The following FYCO1 variants were observed in gnomAD, a reference collection of about 807,000 sequenced individuals.
FYCO1 encodes the protein FYVE and coiled-coil domain autophagy adaptor 1.
FYCO1 carries 122 observed loss-of-function variants against 165.1 expected under a neutral mutation model. The observed-to-expected ratio is 0.74, with a 90% CI of 0.64 to 0.86. The LOEUF (loss-of-function observed/expected upper bound fraction) is 0.86, where lower values mean the gene tolerates loss of function less well. Ranked by LOEUF, FYCO1 falls within the 40% of genes least tolerant of loss-of-function variation. The probability of loss-of-function intolerance (pLI) is 0.00; values close to 1 mark genes in which losing one functional copy is unlikely to be tolerated. For synonymous variants in FYCO1, 648 were observed against 742.5 expected (o/e 0.87, Z 2.07); for missense variants, 1,702 against 1,810.3 (o/e 0.94, Z 1.09).
In FYCO1 at chr3:45,964,448, G is replaced by C. The variant is rs1220903524; in HGVS notation, c.3157C>G (p.Gln1053Glu). 3.1e-6 allele frequency: 5 copies of C among 1,613,864 alleles called. No homozygotes were observed. In the African/African-American group the frequency reaches 6.7e-5, roughly 22 times the overall value. The part of the protein sequence containing the change: ...EEAVEKLKAT[Q>E]ADMGEKLSCT... ...CTCAGCTTCTCTCCCATGTCTGCTT[G>C]GGTGGCCTGGCACAGGACGTCAGGG... is the stretch of plus-strand genomic sequence containing the variant. The change falls in exon 10 of 18, where the codon CAA becomes GAA. Residue 1053 changes from glutamine (Q) to glutamate (E), a missense_variant. Physicochemically the swap from Gln to Glu is conservative, Grantham distance 29. Coordinates refer to ENST00000296137, the MANE Select transcript of FYCO1 (RefSeq NM_024513.4). This position sits in a 1 kb window ranked among gnomAD's most constrained non-coding sequence, Gnocchi z 4.1.
intron 14 of FYCO1, among the ~76,000 whole-genome samples, chr3:45,954,784 G>C (rs997681757): frequency 6.6e-6 from 1 of 152,192 alleles, no homozygotes; most frequent in Non-Finnish European, 1.5e-5. Context: ...AGACACACCA[G>C]GGGCATGCAA....
intron 12 of FYCO1, among the ~76,000 whole-genome samples, chr3:45,959,153 G>A (rs1008965423): frequency 1.2e-4 from 18 of 152,178 alleles, no homozygotes; most frequent in Non-Finnish European, 2.6e-4. Flanking sequence ...TCCCTGCGGG[G>A]CCCCCTAACT....
chr3:45,989,102 T>C (rs1007683103), intron 1 of FYCO1, among the ~76,000 whole-genome samples: 24 of 152,084 alleles, frequency 1.6e-4, no homozygotes, highest in African/African-American at 5.8e-4. Flanking sequence ...GTTGGAGGCG[T>C]GGAAGTCAAC....
At position 45,981,566 on chromosome 3, in the gene FYCO1, T is replaced by C. The variant is rs778930237; in HGVS notation, c.162+4A>G. Reference sequence around the variant, plus strand: ...AAAATCAACACATTACAGGCATCACTTACTTGCAGGAGATACTCAAGTTTA... The same window carrying C: ...AAAATCAACACATTACAGGCATCACCTACTTGCAGGAGATACTCAAGTTTA... On this transcript the variant is annotated splice_donor_region_variant and intron_variant, in intron 3 of 17. Transcript: ENST00000296137. The C allele has an allele frequency of 2.6e-6, 4 of 1,565,660 alleles. No homozygotes were observed. Among genetic ancestry groups the C allele is most frequent in the Non-Finnish European group, 3.5e-6 (4 of 1,135,808 alleles).
chr3:45,938,740 C>T (rs1401266525), intron 14 of FYCO1, among the ~76,000 whole-genome samples: 1 of 152,232 alleles, frequency 6.6e-6, no homozygotes, highest in African/African-American at 2.4e-5. Flanking sequence ...GATTGGCCCA[C>T]CTCGGCCTCC....
At chr3:45,926,731 G>A (rs781289932) in intron 16 of FYCO1, among the ~76,000 whole-genome samples, 2 of 152,224 alleles carry the variant, frequency 1.3e-5, no homozygotes, top group African/African-American at 2.4e-5. Flanking sequence ...TCGGGAGGCC[G>A]AGGTGGGTGG....
chr3:45,972,181 C>T (rs1426006481), intron 6 of FYCO1, among the ~76,000 whole-genome samples: 11 of 152,030 alleles, frequency 7.2e-5, no homozygotes, highest in African/African-American at 1.7e-4. Flanking sequence ...CTGGGCCAGG[C>T]GTGGTGGCTC....
Position 45,969,759 on chromosome 3 carries a change from C to T in FYCO1, c.546G>A (p.Thr182=), listed in dbSNP as rs201372127. 1.3e-4 allele frequency: 213 copies of T among 1,613,528 alleles called. No homozygotes were observed. The highest frequency in any genetic ancestry group is 1.0e-4 in the Non-Finnish European group (118 of 1,179,822). ...DAAWPTFARR[T]LTTGSSAYLW... ...GGTAAGCAGAAGAGCCAGTGGTCAG[C>T]GTCCTCCTGTGGGGCCACAAAACAG... The change falls in exon 7 of 18, where the codon ACG becomes ACA. Residue 182 remains threonine, a synonymous_variant. Coordinates refer to ENST00000296137, the MANE Select transcript of FYCO1 (RefSeq NM_024513.4).
intron 2 of FYCO1, among the ~76,000 whole-genome samples, chr3:45,983,091 C>T (rs371076441): frequency 6.6e-6 from 1 of 152,224 alleles, no homozygotes; most frequent in African/African-American, 2.4e-5. Flanking sequence ...CTATTTGATT[C>T]TTTCAATAAT....
chr3:45,973,274 T>C lies in FYCO1; in HGVS notation c.396-43A>G, dbSNP rs139824203. 2,167 of 1,600,934 alleles carry C rather than the reference T, an allele frequency of 1.4e-3. 2 individuals are homozygous for C. Among genetic ancestry groups the C allele is most frequent in the Middle Eastern group, 2.3e-3 (14 of 6,014 alleles). ...AATTATAAGAGTAATAAAGATAAAG[T>C]ATGAATTTACTCAGTCCTCCCACTG... is the stretch of plus-strand genomic sequence containing the variant. On this transcript the variant is annotated intron_variant, in intron 5 of 17. Transcript: ENST00000296137.
At position 45,975,299 on chromosome 3, in the gene FYCO1, A is replaced by G; in HGVS notation, c.335T>C (p.Leu112Ser). The G allele has an allele frequency of 1.2e-6, 2 of 1,614,180 alleles. No individual in the cohort carries two copies. Among genetic ancestry groups the G allele is most frequent in the Non-Finnish European group, 1.7e-6 (2 of 1,180,010 alleles). ...GKGRAFIRYSLVHQRLADTLQ... is the reference protein window; with the variant it reads ...GKGRAFIRYSSVHQRLADTLQ... ...GGTGTCTGCCAACCTCTGGTGCACC[A>G]AGGAGTAGCGAATAAATGCTCTTCC... Residue 112 changes from leucine (L) to serine (S), a missense_variant, in exon 5 of 18, where the codon TTG (leucine) becomes TCG (serine). Transcript: ENST00000296137.
At position 45,918,459 on chromosome 3, in the gene FYCO1, A is replaced by G. The variant is rs917739742; in HGVS notation, c.*3306T>C. ...ATGGCCGTCTCGATGGTCTTTGTGT[A>G]CATGACCATCCTTGGTTCTAAGCAT... is the stretch of plus-strand genomic sequence containing the variant. On this transcript the variant is annotated 3_prime_UTR_variant, in exon 18 of 18. Transcript: ENST00000296137. 2 of 152,200 alleles carry G rather than the reference A, an allele frequency of 1.3e-5. No homozygotes were observed. Among genetic ancestry groups the G allele is most frequent in the African/African-American group, 4.8e-5 (2 of 41,444 alleles). 9.4% of individuals were successfully genotyped at this position (152,200 alleles called of 1,614,324 possible).
chr3:45,931,020 A>G (rs1703579473), intron 16 of FYCO1, 51 bp downstream of exon 16: 6 of 1,561,078 alleles, frequency 3.8e-6, no homozygotes, highest in Non-Finnish European at 5.3e-6. Context: ...GGCCTGCCCA[A>G]GTACCCAGAT....
At chr3:45,934,521 C>T (rs1179386163) in intron 15 of FYCO1, among the ~76,000 whole-genome samples, 1 of 152,230 alleles carries the variant, frequency 6.6e-6, no homozygotes, top group Non-Finnish European at 1.5e-5. Flanking sequence ...AAAGAACTTT[C>T]AATTCTATAT....
intron 16 of FYCO1, among the ~76,000 whole-genome samples, chr3:45,929,989 C>T (rs2125796032): frequency 6.6e-6 from 1 of 152,222 alleles, no homozygotes; most frequent in East Asian, 1.9e-4. Flanking sequence ...AGCCTCAAGC[C>T]CCTCGAGGGC....
chr3:45,936,477 T>G lies in FYCO1; in HGVS notation c.4011A>C (p.Glu1337Asp). ...GTTCTCCAGACTTCAGCAGGCAGATTTCCGAATCCTGCCCCACGGGCATGT... is the reference window on the plus strand; with the variant it reads ...GTTCTCCAGACTTCAGCAGGCAGATGTCCGAATCCTGCCCCACGGGCATGT... ...TEDMPVGQDS[E>D]ICLLKSGELM... The change falls in exon 15 of 18, where the codon GAA becomes GAC. Residue 1337 changes from glutamate to aspartate, a missense_variant. Physicochemically the swap from Glu to Asp is conservative, Grantham distance 45. Coordinates refer to ENST00000296137, the MANE Select transcript of FYCO1 (RefSeq NM_024513.4). 2 of 1,614,026 alleles carry G rather than the reference T, an allele frequency of 1.2e-6. No homozygotes were observed. Among genetic ancestry groups the G allele is most frequent in the Non-Finnish European group, 1.7e-6 (2 of 1,179,888 alleles).
In FYCO1 at chr3:45,967,301, T is replaced by C. The variant is rs948553343; in HGVS notation, c.2033A>G (p.Glu678Gly). ...CTTCCTTACAGCCAGCAAGCTCGCC[T>C]CCATCTGGTCACCCAAGTGCCGGAT... Reference protein sequence around the residue: ...ASIRHLGDQMEASLLAVRKAK... With the variant: ...ASIRHLGDQMGASLLAVRKAK... The change falls in exon 8 of 18, where the codon GAG becomes GGG. Residue 678 changes from glutamate (E) to glycine (G), a missense_variant. Coordinates refer to ENST00000296137, the MANE Select transcript of FYCO1 (RefSeq NM_024513.4). The C allele has an allele frequency of 5.0e-6, 8 of 1,613,682 alleles. No individual in the cohort carries two copies. The African/African-American group carries it at 1.1e-4, about 22-fold the overall frequency.
chr3:45,994,430 TAATC>T (rs1707700385), intron 1 of FYCO1, among the ~76,000 whole-genome samples: 2 of 152,194 alleles, frequency 1.3e-5, no homozygotes, highest in Non-Finnish European at 2.9e-5. Flanking sequence ...GAGATCCTAT[TAATC>T]AAAGGAGGCT....
chr3:45,962,221 T>G lies in FYCO1; in HGVS notation c.3437+4A>C. On this transcript the variant is annotated splice_donor_region_variant and intron_variant, in intron 11 of 17. Transcript: ENST00000296137. The surrounding 1 kb of genome is among the most constrained non-coding windows in gnomAD (Gnocchi z 4.4). ...CCCAGCTGCTGGTTTGACACAGCAC[T>G]CACCTGAGCAGCTCTATCAGCCGCT... is the stretch of plus-strand genomic sequence containing the variant. 6.2e-7 allele frequency: 1 copy of G among 1,614,154 alleles called. No homozygotes were observed. The highest frequency in any genetic ancestry group is 8.5e-7 in the Non-Finnish European group (1 of 1,179,968).
Sources: gnomAD v4.1 joint callset for allele counts (sites outside exome capture counted in the v4.1 genomes callset) on GRCh38, gnomAD v4.1.1 for gene constraint, Gnocchi (gnomAD v3.1) non-coding constraint, MANE v1.5 for transcripts, NCBI Gene and HGNC (gene_info 2026-07-23, HGNC 2026-07-21) for gene names.